FBXL13: variants seen among roughly 807,000 people sequenced by gnomAD.
FBXL13 encodes F-box and leucine rich repeat protein 13, also known as F-box and leucine-rich repeat protein 13.
Under a neutral mutation model 83.6 loss-of-function variants are expected in FBXL13, and 67 were observed. The observed-to-expected ratio is 0.80, with a 90% confidence interval of 0.66 to 0.98. The LOEUF (loss-of-function observed/expected upper bound fraction) is 0.98. FBXL13 is among the 50% of genes least tolerant of loss of function. The pLI is 0.00. For synonymous variants in FBXL13, 272 were observed against 299.5 expected (o/e 0.91, Z 0.95); for missense variants, 822 against 866.5 (o/e 0.95, Z 0.64).
exon 11 of FBXL13, chr7:102,913,185 C>G: frequency 6.2e-7 from 1 of 1,614,072 alleles, no homozygotes; most frequent in Non-Finnish European, 8.5e-7. Flanking sequence ...TGCAATAAGC[C>G]AAACTAAGAT....
intron 16 of FBXL13, among the ~76,000 whole-genome samples, chr7:102,870,017 G>A (rs1427028163): frequency 3.3e-5 from 5 of 152,150 alleles, no homozygotes; most frequent in Non-Finnish European, 7.4e-5. Context: ...TTCTAGTATA[G>A]TATTTAGTAG....
At chr7:102,880,071 C>A (rs1002779816) in intron 14 of FBXL13, among the ~76,000 whole-genome samples, 3 of 152,200 alleles carry the variant, frequency 2.0e-5, no homozygotes, top group Non-Finnish European at 2.9e-5. Flanking sequence ...CTTTTAAATT[C>A]TTTTAAATAT....
chr7:103,028,080 C>CA (rs1049932016), intron 4 of FBXL13, among the ~76,000 whole-genome samples: 1 of 151,960 alleles, frequency 6.6e-6, no homozygotes, highest in Non-Finnish European at 1.5e-5. Flanking sequence ...AGGAGAGTTG[C>CA]AAAAAAATCT....
intron 8 of FBXL13, among the ~76,000 whole-genome samples, chr7:102,937,338 A>G (rs1214653046): frequency 3.4e-5 from 1 of 29,216 alleles, no homozygotes; most frequent in Non-Finnish European, 6.9e-5. Flanking sequence ...CATCTCTACT[A>G]AAAATACAAA....
At chr7:103,025,983 AT>A (rs1490021111) in intron 5 of FBXL13, among the ~76,000 whole-genome samples, 10 of 150,606 alleles carry the variant, frequency 6.6e-5, no homozygotes, top group African/African-American at 2.4e-4. Flanking sequence ...ACAATTAACT[AT>A]ATAATATATA....
At chr7:103,007,924 A>G (rs934138362) in intron 6 of FBXL13, among the ~76,000 whole-genome samples, 5 of 152,080 alleles carry the variant, frequency 3.3e-5, no homozygotes, top group Non-Finnish European at 5.9e-5. Flanking sequence ...GGGTGAGGAG[A>G]GTGTCTCCCA....
chr7:103,018,738 C>T (rs1482627587), intron 6 of FBXL13, among the ~76,000 whole-genome samples: 1 of 152,160 alleles, frequency 6.6e-6, no homozygotes, highest in Non-Finnish European at 1.5e-5. Flanking sequence ...AAGGCCATTA[C>T]ATAATGGTCA....
intron 11 of FBXL13, among the ~76,000 whole-genome samples, chr7:102,907,861 GTGATACCGTCTCACACCAGTTAGAA>G (rs1814005853): frequency 6.6e-6 from 1 of 152,152 alleles, no homozygotes; most frequent in Admixed American, 6.5e-5. Flanking sequence ...AAACCACAAT[GTGATACCGTCTCACACCAGTTAGAA>G]TGATGATCAT....
chr7:103,025,022 G>A (rs757814496), intron 6 of FBXL13, 41 bp downstream of exon 7: 1 of 1,483,144 alleles, frequency 6.7e-7, no homozygotes, highest in Non-Finnish European at 9.1e-7. Context: ...CACCACACTT[G>A]GCAGATTATA....
chr7:102,846,637 A>G (rs1804025532), intron 17 of FBXL13, among the ~76,000 whole-genome samples: 1 of 150,110 alleles, frequency 6.7e-6, no homozygotes. Flanking sequence ...AAAAAATCTG[A>G]AATGAGATGG....
chr7:102,991,098 T>C (rs574782255), intron 6 of FBXL13, among the ~76,000 whole-genome samples: 1 of 152,260 alleles, frequency 6.6e-6, no homozygotes, highest in South Asian at 2.1e-4. Flanking sequence ...AATTTGATAG[T>C]AATGTCACTA....
At chr7:103,069,705 G>A (rs1488897987) in intron 1 of FBXL13, among the ~76,000 whole-genome samples, 2 of 152,184 alleles carry the variant, frequency 1.3e-5, no homozygotes, top group East Asian at 3.9e-4. Flanking sequence ...AGGAAAGGAC[G>A]AACCTTTGCT....
chr7:102,912,070 G>A (rs995795077), intron 11 of FBXL13, among the ~76,000 whole-genome samples: 2 of 152,122 alleles, frequency 1.3e-5, no homozygotes, highest in African/African-American at 4.8e-5. Context: ...AACTCTGCCT[G>A]CCCCAGTATC....
chr7:102,913,999 T>TA (rs764445891), intron 10 of FBXL13, among the ~76,000 whole-genome samples: 34 of 152,174 alleles, frequency 2.2e-4, no homozygotes, highest in Non-Finnish European at 2.9e-5. Flanking sequence ...GATGAGCCTG[T>TA]ACTACCATAC....
chr7:102,949,321 T>C (rs976051672), intron 8 of FBXL13, among the ~76,000 whole-genome samples: 2 of 152,164 alleles, frequency 1.3e-5, no homozygotes, highest in Non-Finnish European at 2.9e-5. Flanking sequence ...GTTTGTTATA[T>C]AGGTAAACTT....
At chr7:102,859,531 C>A (rs920817254) in intron 16 of FBXL13, among the ~76,000 whole-genome samples, 1 of 152,066 alleles carries the variant, frequency 6.6e-6, no homozygotes, top group African/African-American at 2.4e-5. Flanking sequence ...AAACAAGTGA[C>A]ATTTACATTT....
Position 102,946,031 on chromosome 7 carries a change from A to G in FBXL13, c.725-14098T>C, listed in dbSNP as rs138245933. ...CGAGTAGCTGGTATTACAGGTGCTC[A>G]CCACCATGCCTGGCTAATTTTTGTA... On this transcript the variant is annotated intron_variant, in intron 8 of 19. Coordinates refer to ENST00000313221, the Ensembl canonical transcript of FBXL13. Among the ~76,000 whole-genome samples, 567 of 152,206 alleles carry G rather than the reference A, an allele frequency of 3.7e-3. 5 individuals carry two copies. The highest frequency in any genetic ancestry group is 0.013 in the African/African-American group (560 of 41,528).
At chr7:102,978,183 T>C (rs1484028312) in intron 6 of FBXL13, among the ~76,000 whole-genome samples, 1 of 152,214 alleles carries the variant, frequency 6.6e-6, no homozygotes, top group Non-Finnish European at 1.5e-5. Flanking sequence ...AGATGGATAC[T>C]AACCTGTCTC....
rs190218438 is a variant in FBXL13, at chr7:103,061,274, G to A, written c.-104-5527C>T. ...GGTGAGGAGCAGCAGGCTCTATGAG[G>A]TAAGAGTGAGACAAAGGACTCTGAT... On this transcript the variant is annotated intron_variant, in intron 1 of 19. Transcript: ENST00000313221. Among the ~76,000 whole-genome samples, 423 of 152,212 alleles carry A rather than the reference G, an allele frequency of 2.8e-3. 8 individuals carry two copies. Among genetic ancestry groups the A allele is most frequent in the Admixed American group, 0.025 (385 of 15,300 alleles).
Sources: gnomAD v4.1 joint callset for allele counts (sites outside exome capture counted in the v4.1 genomes callset) on GRCh38, gnomAD v4.1.1 for gene constraint, MANE v1.5 for transcripts, NCBI Gene and HGNC (gene_info 2026-07-23, HGNC 2026-07-21) for gene names.